RASA2: variants seen among roughly 807,000 people sequenced by gnomAD.
The protein encoded by RASA2 is RAS p21 protein activator 2, also known as ras GTPase-activating protein 2.
A neutral mutation model predicts 118.2 loss-of-function variants in RASA2; 155 were observed. The observed-to-expected ratio is 1.31, with a 90% CI of 1.15 to 1.50. The LOEUF (loss-of-function observed/expected upper bound fraction) is 1.50. Among genes scored for constraint, RASA2 ranks in the 40% most tolerant of loss-of-function variants. The pLI, the probability that RASA2 is intolerant of heterozygous loss-of-function variation, is 0.00. For missense variants in RASA2, 1,016 were observed against 1,009.6 expected (o/e 1.01, Z -0.09); for synonymous variants, 353 against 349.1 (o/e 1.01, Z -0.12).
In RASA2 at chr3:141,612,338, A is replaced by G. The variant is rs2083665582; in HGVS notation, c.*25A>G. The G allele has an allele frequency of 1.2e-5, 18 of 1,544,658 alleles. No homozygotes were observed. Among genetic ancestry groups the G allele is most frequent in the Non-Finnish European group, 1.6e-5 (18 of 1,130,900 alleles). On this transcript the variant is annotated 3_prime_UTR_variant, in exon 24 of 24. Transcript: ENST00000286364. The stretch of plus-strand genomic sequence containing the variant: ...GAGTTTAACAGATTGGTTCAGAAGA[A>G]CTGGAAAATATTATTTTTCTTGGAG...
intron 3 of RASA2, among the ~76,000 whole-genome samples, chr3:141,518,723 G>GT (rs2082068400): frequency 6.6e-6 from 1 of 151,366 alleles, no homozygotes; most frequent in South Asian, 2.1e-4. Flanking sequence ...AAAACAATAT[G>GT]TTTTTCTTAA....
intron 4 of RASA2, among the ~76,000 whole-genome samples, chr3:141,538,621 A>G (rs1296243155): frequency 6.6e-6 from 1 of 152,208 alleles, no homozygotes; most frequent in Admixed American, 6.5e-5. Context: ...TAGAAATTAT[A>G]ATTTCCTTAA....
At chr3:141,555,693 C>T (rs1048288229) in intron 6 of RASA2, 147 bp from the exon 7 acceptor site, 5 of 622,102 alleles carry the variant, frequency 8.0e-6, no homozygotes, top group East Asian at 2.9e-5. Context: ...AGGACAGTTA[C>T]TTTTTTCCAA....
At chr3:141,507,332 G>C (rs999191116) in intron 1 of RASA2, among the ~76,000 whole-genome samples, 1 of 152,202 alleles carries the variant, frequency 6.6e-6, no homozygotes, top group Non-Finnish European at 1.5e-5. Flanking sequence ...ACTCTAGTTA[G>C]TTTAAGCAGA....
chr3:141,572,565 A>G (rs1560041981), intron 11 of RASA2, 44 bp from the exon 12 acceptor site: 2 of 1,421,798 alleles, frequency 1.4e-6, no homozygotes, highest in Non-Finnish European at 2.0e-6. Context: ...ATTGGTTTCA[A>G]AACCTTTGTT....
chr3:141,571,655 C>A, intron 11 of RASA2, 101 bp downstream of exon 11: 1 of 1,200,330 alleles, frequency 8.3e-7, no homozygotes, highest in Non-Finnish European at 1.2e-6. Flanking sequence ...TATTGATCAG[C>A]CTTACTGTAT....
At chr3:141,578,416 A>G (rs1560046090) in intron 15 of RASA2, 1 of 152,236 alleles carries the variant, frequency 6.6e-6, no homozygotes, top group Non-Finnish European at 1.5e-5. Flanking sequence ...GGAAACTCAC[A>G]GCCAAGAGGA....
intron 9 of RASA2, among the ~76,000 whole-genome samples, chr3:141,568,051 T>A (rs557923828): frequency 2.6e-5 from 4 of 152,334 alleles, no homozygotes; most frequent in African/African-American, 9.6e-5. Context: ...TTTATTGCTT[T>A]CTGAACACAA....
chr3:141,604,317 T>G (rs1009552749), intron 19 of RASA2, among the ~76,000 whole-genome samples: 1 of 152,190 alleles, frequency 6.6e-6, no homozygotes, highest in African/African-American at 2.4e-5. Flanking sequence ...TGAGCATATA[T>G]GGGTGTTTGC....
intron 5 of RASA2, among the ~76,000 whole-genome samples, chr3:141,546,776 T>A (rs2082492482): frequency 1.3e-5 from 2 of 152,228 alleles, no homozygotes; most frequent in Non-Finnish European, 2.9e-5. Flanking sequence ...CTTTGTCTAG[T>A]CCAATGTCCT....
intron 1 of RASA2, among the ~76,000 whole-genome samples, chr3:141,494,427 G>C (rs1362016160): frequency 6.6e-6 from 1 of 152,196 alleles, no homozygotes; most frequent in East Asian, 1.9e-4. Flanking sequence ...CTGTCACCAG[G>C]GCACGATCTT....
chr3:141,536,359 A>G (rs990933896), intron 4 of RASA2, among the ~76,000 whole-genome samples: 4 of 152,192 alleles, frequency 2.6e-5, no homozygotes, highest in Admixed American at 6.5e-5. Flanking sequence ...CCATGATTCA[A>G]TGACCTCCCC....
Position 141,573,212 on chromosome 3 carries a change from AAAT to A in RASA2, c.1356_1358del (p.Asn452del), listed in dbSNP as rs762983369. ...AATTGAAAGAGGGAGATAATGTAGA[AAAT>A]AATAAGGTAAGTCCTTGTTATATTA... On this transcript the variant is annotated inframe_deletion, in exon 13 of 24. Coordinates refer to ENST00000286364, the MANE Select transcript of RASA2 (RefSeq NM_006506.5). The A allele has an allele frequency of 6.5e-7, 1 of 1,543,464 alleles. No homozygotes were observed. Among genetic ancestry groups the A allele is most frequent in the East Asian group, 2.4e-5 (1 of 41,294 alleles).
At chr3:141,583,605 T>G (rs2083151436) in intron 17 of RASA2, among the ~76,000 whole-genome samples, 1 of 152,128 alleles carries the variant, frequency 6.6e-6, no homozygotes, top group Admixed American at 6.6e-5. Flanking sequence ...TGTACCCACA[T>G]TACCCACATA....
At chr3:141,566,561 T>C in intron 9 of RASA2, among the ~76,000 whole-genome samples, 1 of 152,228 alleles carries the variant, frequency 6.6e-6, no homozygotes, top group East Asian at 1.9e-4. Flanking sequence ...GAAAAACATT[T>C]ATGATAAGTT....
chr3:141,611,023 C>T (rs564142306), intron 23 of RASA2, among the ~76,000 whole-genome samples: 2 of 152,250 alleles, frequency 1.3e-5, no homozygotes, highest in Admixed American at 1.3e-4. Context: ...CAACAACTCG[C>T]ATTTATTGGG....
At position 141,577,011 on chromosome 3, in the gene RASA2, GT is replaced by G; in HGVS notation, c.1497del (p.Gln500SerfsTer5). On this transcript the variant is annotated frameshift_variant, in exon 15 of 24. Transcript: ENST00000286364. LOFTEE classifies it high-confidence loss of function. ...ATQRFPNDPH[V>X]QYSAVSSFVF... is the part of the protein sequence containing the mutation. Reference sequence around the variant, plus strand: ...TTTTTTTCCTGCAGATGACCCTCATGTTCAGTATTCTGCAGTGAGCAGCTTT... The same window carrying G: ...TTTTTTTCCTGCAGATGACCCTCATGTCAGTATTCTGCAGTGAGCAGCTTT... 1 of 1,601,522 alleles carries G rather than the reference GT, an allele frequency of 6.2e-7. No individual in the cohort carries two copies. The highest frequency in any genetic ancestry group is 8.5e-7 in the Non-Finnish European group (1 of 1,173,632).
At chr3:141,524,565 C>G (rs887842897) in intron 3 of RASA2, among the ~76,000 whole-genome samples, 1 of 152,032 alleles carries the variant, frequency 6.6e-6, no homozygotes, top group African/African-American at 2.4e-5. Flanking sequence ...TTTCTATAGA[C>G]AGTAATATTT....
At chr3:141,578,880 A>G (rs1257074038) in intron 15 of RASA2, 2 of 152,238 alleles carry the variant, frequency 1.3e-5, no homozygotes, top group African/African-American at 4.8e-5. Flanking sequence ...TGCAGGTGCC[A>G]GGACATCTTT....
Sources: allele counts gnomAD v4.1 joint callset (sites outside exome capture counted in the v4.1 genomes callset), GRCh38; gene constraint gnomAD v4.1.1; transcripts MANE v1.5; gene names NCBI Gene and HGNC (gene_info 2026-07-23, HGNC 2026-07-21).